PDLIM5: variants seen among roughly 807,000 people sequenced by gnomAD.
PDLIM5 encodes PDZ and LIM domain 5.
A neutral mutation model predicts 64.2 loss-of-function variants in PDLIM5; 34 were observed. The ratio of observed to expected loss-of-function variants is 0.53; its 90% CI spans 0.40 to 0.71. The LOEUF (loss-of-function observed/expected upper bound fraction) is 0.71. Ranked by LOEUF, PDLIM5 falls within the 30% of genes least tolerant of loss-of-function variation. The pLI, the probability that PDLIM5 is intolerant of heterozygous loss-of-function variation, is 0.00. For synonymous variants in PDLIM5, 253 were observed against 269.1 expected (o/e 0.94, Z 0.59); for missense variants, 683 against 733.6 (o/e 0.93, Z 0.80).
At chr4:94,497,767 T>C (rs939094667) in intron 2 of PDLIM5, among the ~76,000 whole-genome samples, 2 of 152,138 alleles carry the variant, frequency 1.3e-5, no homozygotes, top group Admixed American at 1.3e-4. Flanking sequence ...AGAATGTATA[T>C]CTAATGGGCC....
intron 7 of PDLIM5, among the ~76,000 whole-genome samples, chr4:94,588,841 C>T (rs1362366601): frequency 6.6e-6 from 1 of 152,142 alleles, no homozygotes; most frequent in African/African-American, 2.4e-5. Flanking sequence ...GAGAAACTAA[C>T]ATTAATTTTA....
chr4:94,541,029 A>G (rs1731761274), intron 3 of PDLIM5, among the ~76,000 whole-genome samples: 2 of 152,202 alleles, frequency 1.3e-5, no homozygotes, highest in South Asian at 4.1e-4. Flanking sequence ...ATCTGCGTGT[A>G]TACTTCATCT....
intron 2 of PDLIM5, chr4:94,456,325 A>G (rs1000251969): frequency 3.6e-6 from 2 of 552,802 alleles, no homozygotes; most frequent in Non-Finnish European, 6.4e-6. Context: ...CAGCCTCCCG[A>G]GTAGCTGGGA....
intron 2 of PDLIM5, among the ~76,000 whole-genome samples, chr4:94,483,118 T>C (rs533000348): frequency 6.6e-6 from 1 of 152,072 alleles, no homozygotes; most frequent in Non-Finnish European, 1.5e-5. Context: ...TTTTAAAAAG[T>C]TGAGTTGTGT....
chr4:94,651,895 T>C (rs1218172132), intron 9 of PDLIM5, among the ~76,000 whole-genome samples: 1 of 152,146 alleles, frequency 6.6e-6, no homozygotes, highest in Non-Finnish European at 1.5e-5. Context: ...GGTTCATGTA[T>C]CACAACAAGC....
At chr4:94,562,432 T>G (rs1733928711) in intron 3 of PDLIM5, among the ~76,000 whole-genome samples, 1 of 152,216 alleles carries the variant, frequency 6.6e-6, no homozygotes, top group Admixed American at 6.5e-5. Context: ...GTGATAAAAG[T>G]GTGAAAACAG....
At chr4:94,557,118 C>T (rs554391955) in intron 3 of PDLIM5, among the ~76,000 whole-genome samples, 1 of 152,076 alleles carries the variant, frequency 6.6e-6, no homozygotes, top group African/African-American at 2.4e-5. Context: ...TCAGCTTTCT[C>T]CATATGGCTA....
At chr4:94,481,874 G>T (rs2126107642) in intron 2 of PDLIM5, among the ~76,000 whole-genome samples, 1 of 152,152 alleles carries the variant, frequency 6.6e-6, no homozygotes, top group East Asian at 1.9e-4. Context: ...CTCCGAAAGT[G>T]CTTGGATTAC....
intron 2 of PDLIM5, among the ~76,000 whole-genome samples, chr4:94,498,147 C>T (rs1382543455): frequency 2.0e-5 from 3 of 152,136 alleles, no homozygotes; most frequent in Non-Finnish European, 4.4e-5. Context: ...CTTTAAGAAG[C>T]GGGCTCATTT....
intron 2 of PDLIM5, among the ~76,000 whole-genome samples, chr4:94,516,280 G>A (rs947699561): frequency 3.3e-5 from 5 of 151,900 alleles, no homozygotes; most frequent in African/African-American, 4.9e-5. Context: ...CGTACTTTGA[G>A]GTATTCTCCT....
At chr4:94,543,421 A>G (rs1732003124) in intron 3 of PDLIM5, among the ~76,000 whole-genome samples, 1 of 152,192 alleles carries the variant, frequency 6.6e-6, no homozygotes, top group Admixed American at 6.5e-5. Context: ...GTATTATCCC[A>G]CATTTACCAA....
chr4:94,552,580 A>G (rs1174573261), intron 3 of PDLIM5, among the ~76,000 whole-genome samples: 1 of 152,174 alleles, frequency 6.6e-6, no homozygotes, highest in Non-Finnish European at 1.5e-5. Flanking sequence ...TGATCCCAAT[A>G]GAGAATTCAT....
intron 8 of PDLIM5, among the ~76,000 whole-genome samples, chr4:94,639,473 G>A (rs974980528): frequency 7.2e-5 from 11 of 152,076 alleles, no homozygotes; most frequent in African/African-American, 2.4e-4. Context: ...ATGGGGAAGA[G>A]GAGGCAAAGT....
At chr4:94,548,760 G>A (rs939968180) in intron 3 of PDLIM5, among the ~76,000 whole-genome samples, 4 of 152,136 alleles carry the variant, frequency 2.6e-5, no homozygotes, top group Non-Finnish European at 5.9e-5. Flanking sequence ...ATAGTTCACA[G>A]ATAAATTGGT....
At chr4:94,565,960 T>G (rs1370969744) in intron 3 of PDLIM5, among the ~76,000 whole-genome samples, 1 of 152,210 alleles carries the variant, frequency 6.6e-6, no homozygotes, top group Non-Finnish European at 1.5e-5. Context: ...ACTTCTGTGT[T>G]TACTTGAATT....
chr4:94,646,398 GGA>G (rs543570829), intron 9 of PDLIM5, among the ~76,000 whole-genome samples: 218 of 152,282 alleles, frequency 1.4e-3, no homozygotes, highest in Non-Finnish European at 2.8e-3. Flanking sequence ...TACACTAAGG[GGA>G]GAAGCCCTCT....
intron 7 of PDLIM5, among the ~76,000 whole-genome samples, chr4:94,597,548 A>T (rs180817784): frequency 1.9e-4 from 29 of 152,272 alleles, no homozygotes; most frequent in African/African-American, 6.7e-4. Context: ...GCAAATAAAA[A>T]TAACCAAAAC....
In PDLIM5 at chr4:94,618,032, G is replaced by A. The variant is rs1560743760; in HGVS notation, c.949G>A (p.Ala317Thr). 1.3e-6 allele frequency: 2 copies of A among 1,581,704 alleles called. No individual in the cohort carries two copies. The highest frequency in any genetic ancestry group is 4.6e-5 in the East Asian group (2 of 43,264). ...CTCTCAGGAGCCTTCTCCGCAGTTG[G>A]CTTCCTCGGTAGCTTCCACACGGAG... ...NNSQEPSPQL[A>T]SSVASTRSMP... is the part of the protein sequence containing the mutation. The change falls in exon 8 of 13, where the codon GCT (alanine) becomes ACT (threonine). Residue 317 changes from alanine (A) to threonine (T), a missense_variant. Ala to Thr is a moderately conservative substitution (Grantham distance 58). Transcript: ENST00000317968.
intron 11 of PDLIM5, among the ~76,000 whole-genome samples, chr4:94,661,439 G>C (rs1343245266): frequency 6.6e-6 from 1 of 152,116 alleles, no homozygotes; most frequent in Non-Finnish European, 1.5e-5. Context: ...TAGTAATAGA[G>C]AAACATCTCA....
Sources: gnomAD v4.1 joint callset for allele counts (sites outside exome capture counted in the v4.1 genomes callset) on GRCh38, gnomAD v4.1.1 for gene constraint, MANE v1.5 for transcripts, NCBI Gene and HGNC (gene_info 2026-07-23, HGNC 2026-07-21) for gene names.